IL1RN: variants seen among roughly 807,000 people sequenced by gnomAD.
The protein encoded by IL1RN is interleukin-1 receptor antagonist protein.
Under a neutral mutation model 13.7 loss-of-function variants are expected in IL1RN, and 10 were observed. That is an observed-to-expected ratio of 0.73 (90% CI 0.45 to 1.24). The LOEUF (loss-of-function observed/expected upper bound fraction) is 1.24. IL1RN is among the 50% of genes most tolerant of loss of function. The pLI, the probability that IL1RN is intolerant of heterozygous loss-of-function variation, is 0.00. For missense variants in IL1RN, 213 were observed against 222.1 expected, an observed-to-expected ratio of 0.96 and a Z score of 0.26; for synonymous variants, 102 against 82.7, an observed-to-expected ratio of 1.23 and a Z score of -1.27.
At chr2:113,111,584 C>A (rs1455723290) in intron 1 of IL1RN, among the ~76,000 whole-genome samples, 1 of 152,216 alleles carries the variant, frequency 6.6e-6, no homozygotes, top group Non-Finnish European at 1.5e-5. Flanking sequence ...CAGGTGAAGC[C>A]CGCATCCAAT....
upstream of IL1RN, among the ~76,000 whole-genome samples, chr2:113,124,726 G>C (rs371991181): frequency 7.2e-4 from 109 of 152,258 alleles, no homozygotes; most frequent in African/African-American, 2.5e-3. Flanking sequence ...ATCAGATAAT[G>C]AAACTGAGAC....
rs778651108 is a variant in IL1RN at position 113,127,696 on chromosome 2, C to G, written c.72C>G (p.Ile24Met). Residue 24 changes from isoleucine (I) to methionine (M), a missense_variant, in exon 1 of 4, where the codon ATC becomes ATG. Physicochemically the swap from Ile to Met is conservative, Grantham distance 10. Transcript: ENST00000409930. ...LLLFLFHSET[I>M]CRPSGRKSSK... ...TCTTCCTGTTCCATTCAGAGACGAT[C>G]TGCCGACCCTCTGGGAGAAAATCCA... 3.1e-6 allele frequency: 5 copies of G among 1,614,142 alleles called. No individual in the cohort carries two copies. The highest frequency in any genetic ancestry group is 3.4e-6 in the Non-Finnish European group (4 of 1,180,040).
At chr2:113,132,035 G>T (rs943027752) in intron 3 of IL1RN, among the ~76,000 whole-genome samples, 1 of 152,224 alleles carries the variant, frequency 6.6e-6, no homozygotes, top group Non-Finnish European at 1.5e-5. Context: ...CACAGGCCTT[G>T]GCTTCTGCTG....
At chr2:113,100,976 G>C in the IL1RN span, among the ~76,000 whole-genome samples, 1 of 152,202 alleles carries the variant, frequency 6.6e-6, no homozygotes, top group African/African-American at 2.4e-5. Flanking sequence ...ATACATGGGA[G>C]ACACCCAGGG....
Position 113,132,764 on chromosome 2 carries a change from G to T in IL1RN, c.427G>T (p.Gly143Cys). The T allele has an allele frequency of 1.2e-6, 2 of 1,614,244 alleles. No individual in the cohort carries two copies. Among genetic ancestry groups the T allele is most frequent in the Non-Finnish European group, 1.7e-6 (2 of 1,180,046 alleles). ...CAGTTTTGAGTCTGCCGCCTGCCCCGGTTGGTTCCTCTGCACAGCGATGGA... is the reference window on the plus strand; with the variant it reads ...CAGTTTTGAGTCTGCCGCCTGCCCCTGTTGGTTCCTCTGCACAGCGATGGA... ...TTSFESAACPGWFLCTAMEAD... is the reference protein window; with the variant it reads ...TTSFESAACPCWFLCTAMEAD... The change falls in exon 4 of 4, where the codon GGT (glycine) becomes TGT (cysteine). Residue 143 changes from glycine to cysteine, a missense_variant. Coordinates refer to ENST00000409930, the MANE Select transcript of IL1RN (RefSeq NM_173842.3).
At chr2:113,109,657 C>G (rs1686460619), upstream of IL1RN, among the ~76,000 whole-genome samples, 1 of 151,144 alleles carries the variant, frequency 6.6e-6, no homozygotes, top group Non-Finnish European at 1.5e-5. Flanking sequence ...TATATCAGAG[C>G]AGAATTTCAC....
chr2:113,108,015 T>C (rs1316864705), upstream of IL1RN, among the ~76,000 whole-genome samples: 3 of 152,198 alleles, frequency 2.0e-5, no homozygotes, highest in Non-Finnish European at 4.4e-5. Flanking sequence ...TTAGTGGCTT[T>C]AAAAAACACG....
chr2:113,122,372 C>G (rs548176024), intron 2 of IL1RN, among the ~76,000 whole-genome samples: 1 of 152,212 alleles, frequency 6.6e-6, no homozygotes, highest in Non-Finnish European at 1.5e-5. Context: ...AGACAATTTC[C>G]CTTTAGAAGG....
At chr2:113,129,841 A>G in intron 2 of IL1RN, 177 bp downstream of exon 2, 1 of 622,472 alleles carries the variant, frequency 1.6e-6, no homozygotes, top group Non-Finnish European at 3.0e-6. Flanking sequence ...ATATGAGGGC[A>G]GCCTGAAGAG....
intron 3 of IL1RN, among the ~76,000 whole-genome samples, chr2:113,131,505 A>G (rs2104459737): frequency 6.6e-6 from 1 of 152,170 alleles, no homozygotes; most frequent in Middle Eastern, 3.4e-3. Context: ...GCATCATCCT[A>G]TTGGCCAAAG....
chr2:113,111,896 G>GAGACAAAC (rs1391442504), intron 1 of IL1RN, among the ~76,000 whole-genome samples: 1 of 152,258 alleles, frequency 6.6e-6, no homozygotes, highest in Non-Finnish European at 1.5e-5. Context: ...ACAACAGAAC[G>GAGACAAAC]AGACAAACAG....
chr2:113,126,561 CT>C (rs1426877720), upstream of IL1RN, among the ~76,000 whole-genome samples: 4 of 152,290 alleles, frequency 2.6e-5, no homozygotes, highest in Non-Finnish European at 5.9e-5. Flanking sequence ...GCATGCTTAC[CT>C]TTTTCCTAAT....
At chr2:113,107,976 A>G (rs1409220878), upstream of IL1RN, among the ~76,000 whole-genome samples, 1 of 152,212 alleles carries the variant, frequency 6.6e-6, no homozygotes, top group Non-Finnish European at 1.5e-5. Context: ...TTAGTTTCTT[A>G]TTAGTTGCTC....
At chr2:113,108,979 G>C (rs931828649), upstream of IL1RN, among the ~76,000 whole-genome samples, 1 of 151,802 alleles carries the variant, frequency 6.6e-6, no homozygotes, top group Non-Finnish European at 1.5e-5. Flanking sequence ...AAATTTAATA[G>C]TAACCACTAA....
the IL1RN span, among the ~76,000 whole-genome samples, chr2:113,100,398 G>A: frequency 4.6e-5 from 7 of 152,016 alleles, no homozygotes; most frequent in African/African-American, 1.4e-4. Context: ...AGGCCAACAG[G>A]TACTAGCTGA....
chr2:113,121,660 T>C lies in IL1RN; in HGVS notation c.73+1532T>C, dbSNP rs1686786355. 3 of 936,784 alleles carry C rather than the reference T, an allele frequency of 3.2e-6. No homozygotes were observed. In the South Asian group the frequency reaches 1.5e-4, roughly 46 times the overall value. 58.0% of individuals were successfully genotyped at this position (936,784 alleles called of 1,614,324 possible). A position where few individuals can be genotyped will look rare whatever the true frequency, so the allele number is the denominator to read the frequency against. On this transcript the variant is annotated intron_variant, in intron 2 of 5. Coordinates refer to the IL1RN transcript ENST00000259206. Reference sequence around the variant, plus strand: ...GATCTGAGAGGAGAGTAGCTTCTTGTAGATAACAGTTGGATTATATACCAT... The same window carrying C: ...GATCTGAGAGGAGAGTAGCTTCTTGCAGATAACAGTTGGATTATATACCAT...
At chr2:113,127,575 C>G, upstream of IL1RN, 7 of 1,605,390 alleles carry the variant, frequency 4.4e-6, no homozygotes, top group Non-Finnish European at 6.0e-6. Context: ...CTTTATAAAC[C>G]ACAACTCTGG....
Position 113,133,410 on chromosome 2 carries a change from GGA to G in IL1RN, c.*543_*544del, listed in dbSNP as rs1425472949. The G allele has an allele frequency of 6.1e-6, 1 of 164,788 alleles. No individual in the cohort carries two copies. Among genetic ancestry groups the G allele is most frequent in the Non-Finnish European group, 1.3e-5 (1 of 74,744 alleles). 10.2% of individuals were successfully genotyped at this position (164,788 alleles called of 1,614,324 possible). ...TCATTTGGAGATTATGTTCTTTCGG[GGA>G]GAGGCTGAGGACTTAAAATATTCCT... On this transcript the variant is annotated 3_prime_UTR_variant, in exon 4 of 4. Transcript: ENST00000409930.
At chr2:113,119,097 A>C (rs987775993) in intron 1 of IL1RN, among the ~76,000 whole-genome samples, 2 of 152,204 alleles carry the variant, frequency 1.3e-5, no homozygotes, top group African/African-American at 4.8e-5. Context: ...TGAGCAGGCC[A>C]TTCTCCTTTC....
Sources: gnomAD v4.1 joint callset for allele counts (sites outside exome capture counted in the v4.1 genomes callset) on GRCh38, gnomAD v4.1.1 for gene constraint, MANE v1.5 for transcripts, NCBI Gene and HGNC (gene_info 2026-07-23, HGNC 2026-07-21) for gene names.